HYAL1: variants seen among roughly 807,000 people sequenced by gnomAD.
HYAL1 encodes hyaluronidase-1.
HYAL1 carries 21 observed loss-of-function variants against 28.8 expected under a neutral mutation model. The ratio of observed to expected loss-of-function variants is 0.73; its 90% confidence interval spans 0.52 to 1.05. The LOEUF is 1.05. Ranked by LOEUF, HYAL1 falls within the 50% of genes least tolerant of loss-of-function variation. The pLI, the probability that HYAL1 is intolerant of heterozygous loss-of-function variation, is 0.00. For missense variants in HYAL1, 491 were observed against 579.2 expected (o/e 0.85, Z 1.56); for synonymous variants, 200 against 230.1 (o/e 0.87, Z 1.18).
chr3:50,303,364 CCTG>C (rs1324560429), intron 1 of HYAL1, 99 bp downstream of exon 1: 23 of 169,136 alleles, frequency 1.4e-4, no homozygotes, highest in African/African-American at 5.5e-4. Flanking sequence ...CACCAGAAAT[CCTG>C]GCAGCCACTG....
chr3:50,305,908 C>G (rs923358269), upstream of HYAL1, among the ~76,000 whole-genome samples: 1 of 151,460 alleles, frequency 6.6e-6, no homozygotes, highest in Non-Finnish European at 1.5e-5. Context: ...CCCGGAACAC[C>G]TTGGGCACAT....
At chr3:50,311,545 G>A (rs1261342520) in intron 1 of HYAL1, among the ~76,000 whole-genome samples, 1 of 135,848 alleles carries the variant, frequency 7.4e-6, no homozygotes, top group Non-Finnish European at 1.6e-5. Flanking sequence ...CTCACCTCCG[G>A]GATGGGGCGG....
intron 1 of HYAL1, 112 bp from the exon 2 acceptor site, chr3:50,303,092 G>T: frequency 2.4e-6 from 2 of 848,016 alleles, no homozygotes; most frequent in South Asian, 2.0e-5. Flanking sequence ...TCTGGTTTCT[G>T]TTAAACATTG....
chr3:50,300,374 A>C lies in HYAL1; in HGVS notation c.*109T>G. The C allele has an allele frequency of 9.2e-7, 1 of 1,089,634 alleles. No individual in the cohort carries two copies. 67.5% of individuals were successfully genotyped at this position (1,089,634 alleles called of 1,614,324 possible). On this transcript the variant is annotated 3_prime_UTR_variant, in exon 4 of 4. Transcript: ENST00000395144. Reference sequence around the variant, plus strand: ...TATGCCTGTGACAGTGGCTGAGTGTACTCTTTACTGTGACCATGACTTGTA... The same window carrying C: ...TATGCCTGTGACAGTGGCTGAGTGTCCTCTTTACTGTGACCATGACTTGTA...
Position 50,302,217 on chromosome 3 carries a change from T to A in HYAL1, c.740A>T (p.Tyr247Phe), listed in dbSNP as rs1447682984. ...GQSRALYPSI[Y>F]MPAVLEGTGK... Reference sequence around the variant, plus strand: ...TGTGCCCTCCAGCACTGCGGGCATGTAGATGCTGGGATAGAGGGCACGGCT... The same window carrying A: ...TGTGCCCTCCAGCACTGCGGGCATGAAGATGCTGGGATAGAGGGCACGGCT... Residue 247 changes from tyrosine to phenylalanine, a missense_variant, in exon 2 of 4, where the codon TAC (tyrosine) becomes TTC (phenylalanine). Transcript: ENST00000395144. The surrounding 1 kb of genome is among the most constrained non-coding windows in gnomAD (Gnocchi z 5.0). 1.2e-6 allele frequency: 2 copies of A among 1,614,114 alleles called. No individual in the cohort carries two copies. Among genetic ancestry groups the A allele is most frequent in the Admixed American group, 1.7e-5 (1 of 60,024 alleles).
At chr3:50,306,033 T>C (rs1283713644), upstream of HYAL1, among the ~76,000 whole-genome samples, 2 of 151,284 alleles carry the variant, frequency 1.3e-5, no homozygotes, top group African/African-American at 4.9e-5. Flanking sequence ...TTGGTAACTA[T>C]GGATGGATTC....
In HYAL1 at chr3:50,309,446, A is replaced by G. The variant is rs1226835188; in HGVS notation, c.-191+213T>C. Among the ~76,000 whole-genome samples the G allele has an allele frequency of 1.4e-5, 2 of 147,630 alleles. 1 individual carries two copies. The highest frequency in any genetic ancestry group is 5.2e-5 in the African/African-American group (2 of 38,228). Reference sequence around the variant, plus strand: ...ACCATTGCACTCCAGCCTGGGCAACAGAGCCAGACTCCACCAAAAAAAAAA... The same window carrying G: ...ACCATTGCACTCCAGCCTGGGCAACGGAGCCAGACTCCACCAAAAAAAAAA... On this transcript the variant is annotated intron_variant, in intron 2 of 5. Coordinates refer to the HYAL1 transcript ENST00000320295.
rs782696394 is a variant in HYAL1, at chr3:50,302,738, A to G, written c.219T>C (p.Ile73=). ...AGGTGCCCAGCTGGGAGCTATAGAAAATTGTCATGTCAGGGCCGCGGAAGG... is the reference window on the plus strand; with the variant it reads ...AGGTGCCCAGCTGGGAGCTATAGAAGATTGTCATGTCAGGGCCGCGGAAGG... ...GQTFRGPDMT[I]FYSSQLGTYP... The change falls in exon 2 of 4, where the codon ATT becomes ATC. Residue 73 remains isoleucine (I), a synonymous_variant. Transcript: ENST00000395144. The surrounding 1 kb of genome is among the most constrained non-coding windows in gnomAD (Gnocchi z 5.0). 15 of 1,613,798 alleles carry G rather than the reference A, an allele frequency of 9.3e-6. No homozygotes were observed. In the South Asian group the frequency reaches 1.6e-4, roughly 18 times the overall value.
At chr3:50,310,867 T>C (rs1702431440) in intron 1 of HYAL1, among the ~76,000 whole-genome samples, 1 of 151,292 alleles carries the variant, frequency 6.6e-6, no homozygotes, top group Non-Finnish European at 1.5e-5. Context: ...CCTTAATCCA[T>C]TTAACCCTGA....
chr3:50,307,589 G>A (rs1702356894), upstream of HYAL1, among the ~76,000 whole-genome samples: 1 of 135,854 alleles, frequency 7.4e-6, no homozygotes, highest in Admixed American at 7.4e-5. Flanking sequence ...GCTGAGGCAG[G>A]AGAATGGCGT....
At chr3:50,305,743 C>T (rs1328666666), upstream of HYAL1, among the ~76,000 whole-genome samples, 1 of 151,028 alleles carries the variant, frequency 6.6e-6, no homozygotes, top group Non-Finnish European at 1.5e-5. Context: ...ACCATATTGG[C>T]CAGGCTGGTC....
At position 50,308,593 on chromosome 3, in the gene HYAL1, G is replaced by A. The variant is rs189955241; in HGVS notation, c.-191+1066C>T. 7.4e-4 allele frequency among the ~76,000 whole-genome samples: 111 copies of A among 150,720 alleles called. 5 individuals carry two copies. Among genetic ancestry groups the A allele is most frequent in the African/African-American group, 2.2e-3 (90 of 40,258 alleles). The stretch of plus-strand genomic sequence containing the variant: ...CTCCTGAGTAGCTGGGGCTACAGGC[G>A]CCCACCACCGCGCCCGGCTAATTTT... On this transcript the variant is annotated intron_variant, in intron 2 of 5. Coordinates refer to the HYAL1 transcript ENST00000320295.
At chr3:50,303,062 G>A in intron 1 of HYAL1, 82 bp from the exon 2 acceptor site, 2 of 1,096,654 alleles carry the variant, frequency 1.8e-6, no homozygotes, top group Non-Finnish European at 2.6e-6. Context: ...CTGAGCCCTT[G>A]CGCATTAATC....
At chr3:50,310,493 C>T (rs919972154) in intron 1 of HYAL1, among the ~76,000 whole-genome samples, 7 of 151,444 alleles carry the variant, frequency 4.6e-5, no homozygotes, top group Non-Finnish European at 4.4e-5. Flanking sequence ...GTCTCGATCT[C>T]CTGACCTCGT....
At chr3:50,312,102 C>T (rs1553714982) in intron 1 of HYAL1, among the ~76,000 whole-genome samples, 4 of 149,104 alleles carry the variant, frequency 2.7e-5, no homozygotes, top group Non-Finnish European at 1.5e-5. Flanking sequence ...GACGGGGCGG[C>T]TGGCCGGGCG....
rs2109307766 is a variant in HYAL1, at chr3:50,302,441, C to T, written c.516G>A (p.Gln172=). 6.2e-7 allele frequency: 1 copy of T among 1,613,958 alleles called. No individual in the cohort carries two copies. The highest frequency in any genetic ancestry group is 8.5e-7 in the Non-Finnish European group (1 of 1,179,924). The change falls in exon 2 of 4, where the codon CAG becomes CAA. Residue 172 remains glutamine (Q), a synonymous_variant. Coordinates refer to ENST00000395144, the MANE Select transcript of HYAL1 (RefSeq NM_033159.4). This position sits in a 1 kb window ranked among gnomAD's most constrained non-coding sequence, Gnocchi z 5.0. ...WPAPQVEAVA[Q]DQFQGAARAW... ...CCCGTGCAGCTCCCTGGAACTGGTC[C>T]TGGGCTACTGCCTCCACCTGAGGAG...
Position 50,302,280 on chromosome 3 carries a change from C to T in HYAL1, c.677G>A (p.Arg226His), listed in dbSNP as rs782395202. ...CCACCCTAGCTGGTCATTTTGGGCACGGATGCCTGATGGGCACTGGCCGGT... is the reference window on the plus strand; with the variant it reads ...CCACCCTAGCTGGTCATTTTGGGCATGGATGCCTGATGGGCACTGGCCGGT... ...NYTGQCPSGI[R>H]AQNDQLGWLW... The change falls in exon 2 of 4, where the codon CGT (arginine) becomes CAT (histidine). Residue 226 changes from arginine to histidine, a missense_variant. Transcript: ENST00000395144. The surrounding 1 kb of genome is among the most constrained non-coding windows in gnomAD (Gnocchi z 5.0). The T allele has an allele frequency of 1.1e-5, 17 of 1,613,662 alleles. No individual in the cohort carries two copies. Among genetic ancestry groups the T allele is most frequent in the East Asian group, 2.2e-5 (1 of 44,900 alleles).
chr3:50,303,203 C>T, intron 1 of HYAL1: 1 of 465,642 alleles, frequency 2.1e-6, no homozygotes, highest in Non-Finnish European at 3.8e-6. Context: ...CTGCCATCTC[C>T]CACAGGACTT....
At chr3:50,304,287 AAAAAAAAAAATATATATATATATATAT>A (rs1283783443), upstream of HYAL1, among the ~76,000 whole-genome samples, 4 of 62,830 alleles carry the variant, frequency 6.4e-5, 1 homozygote, top group East Asian at 1.1e-3. Context: ...AAAAAAAAAA[AAAAAAAAAAATATATATATATATATAT>A]ATATATATAT....
Sources: gnomAD v4.1 joint callset for allele counts (sites outside exome capture counted in the v4.1 genomes callset) on GRCh38, gnomAD v4.1.1 for gene constraint, Gnocchi (gnomAD v3.1) non-coding constraint, MANE v1.5 for transcripts, NCBI Gene and HGNC (gene_info 2026-07-23, HGNC 2026-07-21) for gene names.